MUSK: variants seen among roughly 807,000 people sequenced by gnomAD.
The protein encoded by MUSK is muscle associated receptor tyrosine kinase, also known as muscle, skeletal receptor tyrosine-protein kinase.
MUSK carries 55 observed loss-of-function variants against 88.7 expected under a neutral mutation model. The observed-to-expected ratio is 0.62, with a 90% CI of 0.50 to 0.78. The LOEUF (loss-of-function observed/expected upper bound fraction) is 0.78. Among genes scored for constraint, MUSK ranks in the 30% least tolerant of loss-of-function variants. The pLI is 0.00. For missense variants in MUSK, 1,015 were observed against 1,074.3 expected, an observed-to-expected ratio of 0.94 and a Z score of 0.77; for synonymous variants, 387 against 391.9, an observed-to-expected ratio of 0.99 and a Z score of 0.15.
At chr9:110,768,260 G>T (rs2077515255) in intron 9 of MUSK, among the ~76,000 whole-genome samples, 177 bp downstream of exon 9, 2 of 152,220 alleles carry the variant, frequency 1.3e-5, no homozygotes, top group Admixed American at 6.5e-5. Flanking sequence ...CACTTCGGGA[G>T]GCCGAAGTGG....
chr9:110,745,232 C>T (rs932832466), intron 6 of MUSK, among the ~76,000 whole-genome samples: 10 of 152,168 alleles, frequency 6.6e-5, no homozygotes, highest in Non-Finnish European at 8.8e-5. Context: ...TTAAAAATTG[C>T]TTCTCTTTCC....
chr9:110,785,664 T>C lies in MUSK; in HGVS notation c.1724T>C (p.Ile575Thr), dbSNP rs751889864. The change falls in exon 13 of 15, where the codon ATT becomes ACT. Residue 575 changes from isoleucine to threonine, a missense_variant. Physicochemically the swap from Ile to Thr is moderately conservative, Grantham distance 89. Coordinates refer to ENST00000374448, the MANE Select transcript of MUSK (RefSeq NM_005592.4). The part of the protein sequence containing the change: ...LLSLEYPRNN[I>T]EYVRDIGEGA... ...AGCCTGGAGTATCCAAGGAATAACA[T>C]TGAATATGTGAGAGACATCGGAGAG... 19 of 1,612,704 alleles carry C rather than the reference T, an allele frequency of 1.2e-5. No individual in the cohort carries two copies. The highest frequency in any genetic ancestry group is 3.3e-5 in the South Asian group (3 of 90,944).
chr9:110,713,346 G>A (rs1425616250), intron 5 of MUSK, among the ~76,000 whole-genome samples: 1 of 148,234 alleles, frequency 6.7e-6, no homozygotes. Context: ...TGCAACCTCC[G>A]CCTCCCAGGT....
In MUSK at chr9:110,690,391, AGTATATACATAAAT is replaced by A. The variant is rs1216690439; in HGVS notation, c.358+3124_358+3137del. ...ACATAAATATATATATTTAAATATA[AGTATATACATAAAT>A]ATATATATTTAAATATAAATATATA... is the stretch of plus-strand genomic sequence containing the variant. On this transcript the variant is annotated intron_variant, in intron 3 of 14. Transcript: ENST00000374448. 7.4e-4 allele frequency among the ~76,000 whole-genome samples: 82 copies of A among 111,562 alleles called. 1 individual carries two copies. Among genetic ancestry groups the A allele is most frequent in the African/African-American group, 2.7e-3 (75 of 27,414 alleles). The allele number at this position is 111,562 out of a possible 152,430, so 73.2% of individuals were successfully genotyped here.
chr9:110,736,548 G>T (rs1366862248), intron 6 of MUSK, among the ~76,000 whole-genome samples: 1 of 152,028 alleles, frequency 6.6e-6, no homozygotes, highest in Non-Finnish European at 1.5e-5. Context: ...GAGATGAGAG[G>T]CAGGCATTGT....
rs541902263 is a variant in MUSK, at chr9:110,677,836, ACT to A, written c.80-4835_80-4834del. Among the ~76,000 whole-genome samples, 6 of 152,248 alleles carry A rather than the reference ACT, an allele frequency of 3.9e-5. No homozygotes were observed. In the East Asian group the frequency reaches 1.2e-3, roughly 29 times the overall value. ...TTTTCAAGTAGGGAATGGATAGTTA[ACT>A]CTGTTACTGCCTTTTTGACTGTGAT... is the stretch of plus-strand genomic sequence containing the variant. On this transcript the variant is annotated intron_variant, in intron 1 of 14. Coordinates refer to ENST00000374448, the MANE Select transcript of MUSK (RefSeq NM_005592.4).
chr9:110,734,022 T>C (rs2076997301), intron 5 of MUSK, among the ~76,000 whole-genome samples: 1 of 151,998 alleles, frequency 6.6e-6, no homozygotes, highest in Non-Finnish European at 1.5e-5. Context: ...CAAGGGCAAG[T>C]TTCCATGTTA....
chr9:110,706,168 GATAAAACAAAA>G, intron 5 of MUSK: 1 of 489,334 alleles, frequency 2.0e-6, no homozygotes, highest in Non-Finnish European at 4.2e-6. Flanking sequence ...AATATACAAT[GATAAAACAAAA>G]ATAAATCAAC....
rs755122787 is a variant in MUSK at position 110,785,580 on chromosome 9, G to T, written c.1640G>T (p.Arg547Ile). The part of the protein sequence containing the change: ...TTLPSELLLD[R>I]LHPNPMYQRM... ...CTGCCTTCTGAGCTCTTACTAGATA[G>T]ACTTCATCCCAACCCCATGTACCAG... The change falls in exon 13 of 15, where the codon AGA becomes ATA. Residue 547 changes from arginine (R) to isoleucine (I), a missense_variant. Physicochemically the swap from Arg to Ile is moderately conservative, Grantham distance 97. Transcript: ENST00000374448. The T allele has an allele frequency of 2.5e-6, 4 of 1,613,182 alleles. No individual in the cohort carries two copies.
intron 1 of MUSK, among the ~76,000 whole-genome samples, chr9:110,679,412 G>A (rs78605283): frequency 0.029 from 4,415 of 151,474 alleles, 231 homozygotes; most frequent in African/African-American, 0.1. Flanking sequence ...TTGGGATATC[G>A]TTTGCTTTAT....
At chr9:110,737,395 A>AT (rs1389076283) in intron 6 of MUSK, among the ~76,000 whole-genome samples, 1 of 151,858 alleles carries the variant, frequency 6.6e-6, no homozygotes, top group African/African-American at 2.4e-5. Flanking sequence ...TTTTGATGTC[A>AT]TTTTTCACTT....
intron 7 of MUSK, 26 bp downstream of exon 7, chr9:110,747,826 T>C (rs1346111359): frequency 5.6e-6 from 9 of 1,611,698 alleles, no homozygotes; most frequent in Non-Finnish European, 7.6e-6. Context: ...ACATTTGCGT[T>C]GTTCCAGGAG....
chr9:110,690,184 T>TTGTATATA (rs2076313007), intron 3 of MUSK, among the ~76,000 whole-genome samples: 1 of 102,588 alleles, frequency 9.7e-6, no homozygotes. Context: ...AAATATATAT[T>TTGTATATA]TAAGTATATA....
chr9:110,747,529 AG>A, intron 6 of MUSK, 111 bp from the exon 7 acceptor site: 1 of 1,108,744 alleles, frequency 9.0e-7, no homozygotes, highest in East Asian at 2.4e-5. Context: ...CTATGTTTGC[AG>A]TGTACCACAT....
chr9:110,704,233 A>C (rs2076567429), intron 5 of MUSK, among the ~76,000 whole-genome samples: 1 of 152,250 alleles, frequency 6.6e-6, no homozygotes, highest in African/African-American at 2.4e-5. Context: ...AGTTGTAAAG[A>C]ACTTAAATTT....
chr9:110,712,663 GT>G (rs1484269289), intron 5 of MUSK, among the ~76,000 whole-genome samples: 2 of 152,096 alleles, frequency 1.3e-5, no homozygotes, highest in Non-Finnish European at 2.9e-5. Flanking sequence ...CTGACTTCAG[GT>G]TTTCTACTTA....
intron 5 of MUSK, among the ~76,000 whole-genome samples, chr9:110,707,298 T>C (rs201279907): frequency 6.6e-6 from 1 of 152,222 alleles, no homozygotes; most frequent in African/African-American, 2.4e-5. Flanking sequence ...GTCTTTGTTA[T>C]AAGATTTTTT....
At chr9:110,798,436 C>T (rs184686447) in intron 14 of MUSK, among the ~76,000 whole-genome samples, 38 of 152,192 alleles carry the variant, frequency 2.5e-4, no homozygotes, top group Admixed American at 9.8e-4. Flanking sequence ...TAGACTCTTA[C>T]GGAATATTCT....
At chr9:110,694,396 AAAAAAAAAAAC>A (rs2076402276) in intron 3 of MUSK, among the ~76,000 whole-genome samples, 3 of 144,988 alleles carry the variant, frequency 2.1e-5, no homozygotes, top group Non-Finnish European at 4.5e-5. Context: ...AAAAAAAAAA[AAAAAAAAAAAC>A]AAAAAAACAA....
Sources: allele counts gnomAD v4.1 joint callset (sites outside exome capture counted in the v4.1 genomes callset), GRCh38; gene constraint gnomAD v4.1.1; transcripts MANE v1.5; gene names NCBI Gene and HGNC (gene_info 2026-07-23, HGNC 2026-07-21).